Variants in OXR1 observed in about 807,000 individuals in gnomAD.
OXR1 encodes the protein oxidation resistance protein 1.
Under a neutral mutation model 104.6 loss-of-function variants are expected in OXR1, and 41 were observed. That is an observed-to-expected ratio of 0.39 (90% CI 0.31 to 0.51). OXR1 has a LOEUF of 0.51. OXR1 is among the 20% of genes least tolerant of loss of function. The pLI is 0.77. For synonymous variants in OXR1, 348 were observed against 348.4 expected (o/e 1.00, Z 0.01); for missense variants, 955 against 1,031.9 (o/e 0.93, Z 1.02).
chr8:106,601,361 T>C (rs1446362894), intron 3 of OXR1, among the ~76,000 whole-genome samples: 1 of 152,162 alleles, frequency 6.6e-6, no homozygotes, highest in Non-Finnish European at 1.5e-5. Context: ...CAAACATTTA[T>C]TTCTCACAGT....
intron 1 of OXR1, among the ~76,000 whole-genome samples, chr8:106,325,767 T>G: frequency 6.6e-6 from 1 of 152,366 alleles, no homozygotes; most frequent in South Asian, 2.1e-4. Flanking sequence ...AAATATATTT[T>G]ACATTTACAT....
At chr8:106,726,052 A>G in intron 11 of OXR1, 1 of 771,962 alleles carries the variant, frequency 1.3e-6, no homozygotes, top group Non-Finnish European at 1.9e-6. Context: ...GCCTCCACTC[A>G]GGACTATCAT....
chr8:106,451,946 T>C (rs1461970507), intron 2 of OXR1, among the ~76,000 whole-genome samples: 1 of 152,090 alleles, frequency 6.6e-6, no homozygotes, highest in Non-Finnish European at 1.5e-5. Flanking sequence ...GCTCAAACAG[T>C]AGGAAGTTAA....
intron 2 of OXR1, among the ~76,000 whole-genome samples, chr8:106,491,170 T>C (rs951169193): frequency 1.3e-5 from 2 of 152,224 alleles, no homozygotes; most frequent in Non-Finnish European, 2.9e-5. Context: ...GTCTGCCTCC[T>C]TTCTGGGAGG....
At chr8:106,394,402 T>C (rs1586599347) in intron 2 of OXR1, among the ~76,000 whole-genome samples, 1 of 151,846 alleles carries the variant, frequency 6.6e-6, no homozygotes. Context: ...CTAAGAAAAC[T>C]TAAAACCAAT....
At chr8:106,353,182 C>T (rs1815807671) in intron 1 of OXR1, among the ~76,000 whole-genome samples, 1 of 152,010 alleles carries the variant, frequency 6.6e-6, no homozygotes, top group African/African-American at 2.4e-5. Context: ...AACCCCATCT[C>T]TGCAAAAAAA....
chr8:106,370,974 A>G (rs985339283), intron 2 of OXR1, among the ~76,000 whole-genome samples: 1 of 151,512 alleles, frequency 6.6e-6, no homozygotes, highest in Non-Finnish European at 1.5e-5. Flanking sequence ...AAGGAATGGT[A>G]CCAGCTCCTC....
chr8:106,437,223 G>A (rs914809243), intron 2 of OXR1, among the ~76,000 whole-genome samples: 4 of 152,092 alleles, frequency 2.6e-5, no homozygotes, highest in African/African-American at 9.7e-5. Context: ...CAGCATACTT[G>A]TGGTTAATCT....
chr8:106,744,400 TGAG>T (rs1835206884), intron 15 of OXR1, among the ~76,000 whole-genome samples: 1 of 152,190 alleles, frequency 6.6e-6, no homozygotes, highest in Admixed American at 6.5e-5. Context: ...AATAATTAAA[TGAG>T]GATCATTTAT....
chr8:106,568,680 T>C (rs949371554), intron 3 of OXR1, among the ~76,000 whole-genome samples: 2 of 152,164 alleles, frequency 1.3e-5, no homozygotes, highest in African/African-American at 4.8e-5. Context: ...GCATGCTTCC[T>C]GTATGATAGA....
At chr8:106,411,680 C>T (rs1289801812) in intron 2 of OXR1, among the ~76,000 whole-genome samples, 1 of 152,178 alleles carries the variant, frequency 6.6e-6, no homozygotes, top group African/African-American at 2.4e-5. Context: ...CCTTGCCTTT[C>T]CAGGTCCCTG....
chr8:106,298,384 C>G (rs1813091886), intron 1 of OXR1, among the ~76,000 whole-genome samples: 1 of 152,092 alleles, frequency 6.6e-6, no homozygotes, highest in South Asian at 2.1e-4. Flanking sequence ...ACCATCAGAT[C>G]TTGTGAGACT....
intron 2 of OXR1, among the ~76,000 whole-genome samples, chr8:106,438,653 C>A (rs552127936): frequency 5.9e-5 from 9 of 152,166 alleles, no homozygotes; most frequent in African/African-American, 2.2e-4. Flanking sequence ...TAGTGCTGTT[C>A]TCACAGATTT....
intron 2 of OXR1, among the ~76,000 whole-genome samples, chr8:106,489,248 T>A (rs1299303881): frequency 6.6e-6 from 1 of 151,840 alleles, no homozygotes; most frequent in African/African-American, 2.4e-5. Flanking sequence ...TGTATAAGAA[T>A]GCTTGTGATT....
chr8:106,706,655 A>G lies in OXR1; in HGVS notation c.1134A>G (p.Val378=). Residue 378 remains valine, a synonymous_variant, in exon 9 of 17, where the codon GTA becomes GTG. Coordinates refer to ENST00000517566, the MANE Select transcript of OXR1 (RefSeq NM_001198533.2). Reference sequence around the variant, plus strand: ...TGCAAACTGTCAATCAGGCTGAAGTAGAAAGTCTGACAGTCAAATCAGAAT... The same window carrying G: ...TGCAAACTGTCAATCAGGCTGAAGTGGAAAGTCTGACAGTCAAATCAGAAT... The part of the protein sequence containing the change: ...ESVQTVNQAE[V]ESLTVKSEST... 6.2e-7 allele frequency: 1 copy of G among 1,613,604 alleles called. No individual in the cohort carries two copies. Among genetic ancestry groups the G allele is most frequent in the Non-Finnish European group, 8.5e-7 (1 of 1,179,848 alleles).
intron 3 of OXR1, among the ~76,000 whole-genome samples, chr8:106,678,874 A>G (rs1827861634): frequency 6.6e-6 from 1 of 152,058 alleles, no homozygotes; most frequent in Non-Finnish European, 1.5e-5. Flanking sequence ...AAAAATATAT[A>G]ATGTATCTTA....
At chr8:106,575,447 C>T (rs1292681108) in intron 3 of OXR1, among the ~76,000 whole-genome samples, 1 of 151,876 alleles carries the variant, frequency 6.6e-6, no homozygotes, top group Non-Finnish European at 1.5e-5. Flanking sequence ...ATTCACAGCC[C>T]CTTGATGACT....
rs191910342 is a variant in OXR1 at position 106,497,104 on chromosome 8, C to T, written c.24-21839C>T. Among the ~76,000 whole-genome samples, 8 of 152,292 alleles carry T rather than the reference C, an allele frequency of 5.3e-5. No individual in the cohort carries two copies. The East Asian group carries it at 1.4e-3, about 26-fold the overall frequency. ...GTTGATTCAGAGAAATGTGATATTT[C>T]TGACACACTTCAACACGGGGAGAAA... is the stretch of plus-strand genomic sequence containing the variant. On this transcript the variant is annotated intron_variant, in intron 2 of 16. Transcript: ENST00000517566.
intron 2 of OXR1, among the ~76,000 whole-genome samples, chr8:106,491,389 C>T (rs1427526576): frequency 1.3e-5 from 2 of 152,162 alleles, no homozygotes; most frequent in African/African-American, 2.4e-5. Flanking sequence ...TACATATACC[C>T]ATACACCAGT....
Sources: gnomAD v4.1 joint callset for allele counts (sites outside exome capture counted in the v4.1 genomes callset) on GRCh38, gnomAD v4.1.1 for gene constraint, MANE v1.5 for transcripts, NCBI Gene and HGNC (gene_info 2026-07-23, HGNC 2026-07-21) for gene names.